SPECC1: variants seen among roughly 807,000 people sequenced by gnomAD.
SPECC1 encodes the protein cytospin-B.
In SPECC1, 62 loss-of-function variants were observed where a neutral mutation model predicts 104.1. The observed-to-expected ratio is 0.60, with a 90% confidence interval of 0.49 to 0.74. The LOEUF (loss-of-function observed/expected upper bound fraction) is 0.74, where lower values mean the gene tolerates loss of function less well. SPECC1 is among the 30% of genes least tolerant of loss of function. The pLI is 0.00. For synonymous variants in SPECC1, 513 were observed against 501.6 expected (o/e 1.02, Z -0.30); for missense variants, 1,306 against 1,310.5 (o/e 1.00, Z 0.05).
rs555247654 is a variant in SPECC1 at position 20,318,545 on chromosome 17, C to A, written c.*4480C>A. ...CAAACGTTACGGAGACTCCCTTAGCCTCCCCCTCCTCTTCCCCACTGAGGG... is the reference window on the plus strand; with the variant it reads ...CAAACGTTACGGAGACTCCCTTAGCATCCCCCTCCTCTTCCCCACTGAGGG... On this transcript the variant is annotated 3_prime_UTR_variant, in exon 15 of 15. Coordinates refer to ENST00000395527, the MANE Select transcript of SPECC1 (RefSeq NM_001243439.2). 8.7e-6 allele frequency: 2 copies of A among 230,118 alleles called. No individual in the cohort carries two copies. Among genetic ancestry groups the A allele is most frequent in the South Asian group, 3.6e-4 (2 of 5,502 alleles). 14.3% of individuals were successfully genotyped at this position (230,118 alleles called of 1,614,324 possible).
At position 20,297,096 on chromosome 17, in the gene SPECC1, A is replaced by G. The variant is rs1374179781; in HGVS notation, c.3057+19A>G. ...GGAGAAAGTAAGTCATGGCCCTGTC[A>G]CCTTGGTTATCCTCTAAGAAATGCA... On this transcript the variant is annotated intron_variant, in intron 13 of 14. Transcript: ENST00000395527. 6.2e-7 allele frequency: 1 copy of G among 1,605,094 alleles called. No individual in the cohort carries two copies. The highest frequency in any genetic ancestry group is 8.5e-7 in the Non-Finnish European group (1 of 1,172,666).
intron 3 of SPECC1, among the ~76,000 whole-genome samples, chr17:20,171,764 G>T (rs994780765): frequency 6.6e-6 from 1 of 152,046 alleles, no homozygotes; most frequent in African/African-American, 2.4e-5. Flanking sequence ...TGCTCAGGCT[G>T]GTCTCATCCC....
At chr17:20,125,302 T>C (rs1392974435) in intron 3 of SPECC1, among the ~76,000 whole-genome samples, 1 of 152,242 alleles carries the variant, frequency 6.6e-6, no homozygotes, top group Non-Finnish European at 1.5e-5. Flanking sequence ...TTCTACTGAA[T>C]GCGCGTCATG....
chr17:20,023,678 T>C (rs1488994750), intron 1 of SPECC1, among the ~76,000 whole-genome samples: 3 of 152,118 alleles, frequency 2.0e-5, no homozygotes, highest in Admixed American at 6.5e-5. Flanking sequence ...AAAGCTGAGA[T>C]TGGGTTCTGT....
intron 3 of SPECC1, among the ~76,000 whole-genome samples, chr17:20,173,158 A>ACAGT (rs1333593360): frequency 6.6e-6 from 1 of 152,238 alleles, no homozygotes; most frequent in African/African-American, 2.4e-5. Flanking sequence ...ATAAGGATGC[A>ACAGT]CAGTCCACTC....
intron 3 of SPECC1, among the ~76,000 whole-genome samples, chr17:20,174,989 G>A (rs1198333378): frequency 6.6e-6 from 1 of 152,124 alleles, no homozygotes; most frequent in Non-Finnish European, 1.5e-5. Flanking sequence ...TGGTGGGTGG[G>A]CAGGCCAGGT....
intron 2 of SPECC1, among the ~76,000 whole-genome samples, chr17:20,098,066 G>A (rs555946675): frequency 2.9e-4 from 44 of 152,192 alleles, no homozygotes; most frequent in African/African-American, 9.9e-4. Context: ...AGTGGATAAC[G>A]TCCAAATTTG....
At chr17:20,092,065 C>T (rs2047426515) in intron 1 of SPECC1, among the ~76,000 whole-genome samples, 4 of 152,108 alleles carry the variant, frequency 2.6e-5, no homozygotes, top group South Asian at 2.1e-4. Flanking sequence ...CTCCTTTTCT[C>T]CCTCCCTCCT....
At chr17:20,162,626 T>A (rs1360696549) in intron 3 of SPECC1, among the ~76,000 whole-genome samples, 1 of 152,252 alleles carries the variant, frequency 6.6e-6, no homozygotes, top group Non-Finnish European at 1.5e-5. Flanking sequence ...CCCTCCAACA[T>A]AATACTTTGG....
At chr17:20,090,775 G>A (rs2047371512) in intron 1 of SPECC1, among the ~76,000 whole-genome samples, 1 of 152,184 alleles carries the variant, frequency 6.6e-6, no homozygotes, top group Non-Finnish European at 1.5e-5. Flanking sequence ...GGACGTCACA[G>A]ACCAGTGATT....
intron 3 of SPECC1, among the ~76,000 whole-genome samples, chr17:20,193,547 A>G (rs56002404): frequency 0.053 from 8,022 of 152,274 alleles, 291 homozygotes; most frequent in Non-Finnish European, 0.079. Context: ...GGTCTCTTAC[A>G]TTCAGAGTAG....
At chr17:20,269,731 C>T (rs1403932453) in intron 12 of SPECC1, among the ~76,000 whole-genome samples, 1 of 152,214 alleles carries the variant, frequency 6.6e-6, no homozygotes, top group East Asian at 1.9e-4. Context: ...TTAAACATGT[C>T]CGTGACTGCT....
chr17:20,036,122 A>G (rs1263976144), intron 1 of SPECC1, among the ~76,000 whole-genome samples: 1 of 150,830 alleles, frequency 6.6e-6, no homozygotes, highest in Non-Finnish European at 1.5e-5. Context: ...CTTTGCATTT[A>G]AGAAAAGTCA....
In SPECC1 at chr17:20,110,933, T is replaced by C. The variant is rs141752343; in HGVS notation, c.283+371T>C. Among the ~76,000 whole-genome samples the C allele has an allele frequency of 6.7e-3, 1,025 of 152,144 alleles. 12 individuals are homozygous for C. Among genetic ancestry groups the C allele is most frequent in the African/African-American group, 0.024 (977 of 41,500 alleles). On this transcript the variant is annotated intron_variant, in intron 3 of 14. Coordinates refer to ENST00000395527, the MANE Select transcript of SPECC1 (RefSeq NM_001243439.2). ...GAACCCTGTTGATCCCTTGCGAAGG[T>C]GGGTGTCTAATATTTGTACTGAACC...
chr17:20,306,374 T>G (rs1470339389), intron 14 of SPECC1, among the ~76,000 whole-genome samples: 1 of 152,172 alleles, frequency 6.6e-6, no homozygotes, highest in Admixed American at 6.5e-5. Context: ...AATAAAATGC[T>G]ATGTTAAAAA....
intron 3 of SPECC1, among the ~76,000 whole-genome samples, chr17:20,202,167 A>G (rs1367774107): frequency 6.6e-6 from 1 of 152,246 alleles, no homozygotes; most frequent in South Asian, 2.1e-4. Context: ...AATTAACTGT[A>G]GTACATACAG....
intron 1 of SPECC1, among the ~76,000 whole-genome samples, chr17:20,095,088 T>C (rs572843451): frequency 2.6e-5 from 4 of 152,368 alleles, no homozygotes; most frequent in South Asian, 4.1e-4. Flanking sequence ...CATTTTATAT[T>C]GGGAGGAGGT....
chr17:20,270,454 A>C (rs908217283), intron 12 of SPECC1, among the ~76,000 whole-genome samples: 4 of 147,258 alleles, frequency 2.7e-5, no homozygotes, highest in South Asian at 2.2e-4. Flanking sequence ...AAAAAAAAAA[A>C]AAAAAAAAAA....
intron 12 of SPECC1, among the ~76,000 whole-genome samples, chr17:20,285,043 C>T (rs2040894723): frequency 6.6e-6 from 1 of 152,146 alleles, no homozygotes; most frequent in East Asian, 1.9e-4. Context: ...CAGCTGTGTC[C>T]TCGATTGAAT....
Sources: gnomAD v4.1 joint callset for allele counts (sites outside exome capture counted in the v4.1 genomes callset) on GRCh38, gnomAD v4.1.1 for gene constraint, MANE v1.5 for transcripts, NCBI Gene and HGNC (gene_info 2026-07-23, HGNC 2026-07-21) for gene names.